PPP2R2C: variants seen among roughly 807,000 people sequenced by gnomAD.
PPP2R2C encodes the protein protein phosphatase 2 regulatory subunit Bgamma.
PPP2R2C carries 10 observed loss-of-function variants against 45.3 expected under a neutral mutation model. That is an observed-to-expected ratio of 0.22 (90% CI 0.14 to 0.37). The LOEUF (loss-of-function observed/expected upper bound fraction) is 0.37, where lower values mean the gene tolerates loss of function less well. Among genes scored for constraint, PPP2R2C ranks in the 10% least tolerant of loss-of-function variants. The pLI is 1.00. For synonymous variants in PPP2R2C, 257 were observed against 245.4 expected (o/e 1.05, Z -0.44); for missense variants, 308 against 619.7 (o/e 0.50, Z 5.34).
At chr4:6,401,923 A>C (rs1369254597) in intron 1 of PPP2R2C, among the ~76,000 whole-genome samples, 1 of 152,130 alleles carries the variant, frequency 6.6e-6, no homozygotes, top group Non-Finnish European at 1.5e-5. Context: ...AGTCAATGGC[A>C]CTAATATCAG....
intron 1 of PPP2R2C, among the ~76,000 whole-genome samples, chr4:6,423,921 T>G (rs1263179820): frequency 6.6e-6 from 1 of 152,190 alleles, no homozygotes; most frequent in Non-Finnish European, 1.5e-5. Flanking sequence ...GGGTTAGGGT[T>G]AGGGTTAGTG....
At chr4:6,542,098 A>G (rs550892296) in intron 1 of PPP2R2C, among the ~76,000 whole-genome samples, 46 of 152,348 alleles carry the variant, frequency 3.0e-4, no homozygotes, top group African/African-American at 9.9e-4. Context: ...GGACAGTGAC[A>G]TTCTACAGAG....
chr4:6,515,006 C>G (rs1723787445), intron 2 of PPP2R2C, among the ~76,000 whole-genome samples: 1 of 151,960 alleles, frequency 6.6e-6, no homozygotes, highest in Non-Finnish European at 1.5e-5. Flanking sequence ...AGGGCCCACC[C>G]TAATCTAGTA....
At chr4:6,403,931 C>T (rs375527989) in intron 1 of PPP2R2C, among the ~76,000 whole-genome samples, 6 of 152,170 alleles carry the variant, frequency 3.9e-5, no homozygotes, top group South Asian at 2.1e-4. Context: ...CCATTTCACC[C>T]GTCACTGTCA....
chr4:6,411,779 C>A (rs995483684), intron 1 of PPP2R2C, among the ~76,000 whole-genome samples: 1 of 152,038 alleles, frequency 6.6e-6, no homozygotes. Flanking sequence ...GTCTCAATCT[C>A]CTGACCTCGT....
chr4:6,336,654 TCCCTCCCTCCCTGCTTCCA>T lies in PPP2R2C; in HGVS notation c.791-2942_791-2924del, dbSNP rs1732894625. Among the ~76,000 whole-genome samples, 11 of 5,346 alleles carry T rather than the reference TCCCTCCCTCCCTGCTTCCA, an allele frequency of 2.1e-3. 1 individual carries two copies. Among genetic ancestry groups the T allele is most frequent in the Non-Finnish European group, 3.9e-3 (11 of 2,800 alleles). The allele number at this position is 5,346 out of a possible 152,430, so 3.5% of individuals were successfully genotyped here. A position where few individuals can be genotyped will look rare whatever the true frequency, so the allele number is the denominator to read the frequency against. ...TTACTTCCCTCCCTCCCTCCCTCCC[TCCCTCCCTCCCTGCTTCCA>T]TCCCTCCCTCCCTCCCTGCTTCCAT... On this transcript the variant is annotated intron_variant, in intron 6 of 8. Transcript: ENST00000382599.
chr4:6,420,837 G>T, intron 1 of PPP2R2C: 1 of 693,670 alleles, frequency 1.4e-6, no homozygotes, highest in Non-Finnish European at 1.8e-6. Flanking sequence ...GCTGGGACAT[G>T]CCAGTGCCCA....
intron 1 of PPP2R2C, among the ~76,000 whole-genome samples, chr4:6,447,909 C>T (rs540673962): frequency 6.6e-6 from 1 of 152,274 alleles, no homozygotes; most frequent in African/African-American, 2.4e-5. Context: ...GAATCGTATG[C>T]ATCTGCCTAA....
intron 1 of PPP2R2C, chr4:6,384,557 G>A: frequency 4.1e-6 from 4 of 980,994 alleles, no homozygotes; most frequent in Non-Finnish European, 4.8e-6. Context: ...ATAATTTGAT[G>A]AGGGTGGGCA....
intron 1 of PPP2R2C, among the ~76,000 whole-genome samples, chr4:6,543,523 C>G (rs1724875519): frequency 6.6e-6 from 1 of 152,134 alleles, no homozygotes; most frequent in Admixed American, 6.5e-5. Flanking sequence ...GAGTTCGAGA[C>G]CAGCCTGACC....
chr4:6,469,825 C>A (rs561767668), intron 1 of PPP2R2C, among the ~76,000 whole-genome samples: 2 of 152,268 alleles, frequency 1.3e-5, no homozygotes, highest in Admixed American at 6.5e-5. Context: ...ATTAGGGAGG[C>A]CAGAATTCTA....
At chr4:6,381,585 G>A in intron 1 of PPP2R2C, 3 of 1,441,090 alleles carry the variant, frequency 2.1e-6, no homozygotes, top group Non-Finnish European at 1.8e-6. Flanking sequence ...GTAGGACAGA[G>A]GTGAATTACC....
chr4:6,411,638 C>T (rs983294745), intron 1 of PPP2R2C, among the ~76,000 whole-genome samples: 4 of 151,616 alleles, frequency 2.6e-5, no homozygotes, highest in Admixed American at 1.3e-4. Flanking sequence ...CTGCAAGCTC[C>T]GCCTCCTGGG....
intron 1 of PPP2R2C, among the ~76,000 whole-genome samples, chr4:6,453,848 C>A (rs1020630697): frequency 2.0e-5 from 3 of 152,158 alleles, no homozygotes; most frequent in Non-Finnish European, 4.4e-5. Context: ...GATGTGGGCA[C>A]CTGCAAGCCT....
intron 1 of PPP2R2C, among the ~76,000 whole-genome samples, chr4:6,447,191 G>GT (rs1430755494): frequency 2.0e-5 from 3 of 152,142 alleles, no homozygotes; most frequent in African/African-American, 7.2e-5. Context: ...GGTAGAGAGG[G>GT]TGGGAGCATG....
At chr4:6,500,557 G>C (rs1285693693) in intron 2 of PPP2R2C, among the ~76,000 whole-genome samples, 1 of 152,214 alleles carries the variant, frequency 6.6e-6, no homozygotes, top group Non-Finnish European at 1.5e-5. Flanking sequence ...CATTTGGAAG[G>C]GGCCCATCAC....
Position 6,347,946 on chromosome 4 carries a change from G to A in PPP2R2C, c.690C>T (p.Phe230=), listed in dbSNP as rs1421330611. The change falls in exon 6 of 9, where the codon TTC becomes TTT. Residue 230 remains phenylalanine (F), a synonymous_variant. Coordinates refer to ENST00000382599, the MANE Select transcript of PPP2R2C (RefSeq NM_020416.4). ...CGAAGAGGTTGCAGTGGTGCGGATG[G>A]AACTCAGATGCTGTGATCACCTCCG... The part of the protein sequence containing the change: ...DLTEVITASE[F]HPHHCNLFVY... 6 of 1,614,008 alleles carry A rather than the reference G, an allele frequency of 3.7e-6. No homozygotes were observed. The highest frequency in any genetic ancestry group is 4.2e-6 in the Non-Finnish European group (5 of 1,180,028).
rs1249466380 is a variant in PPP2R2C at position 6,364,949 on chromosome 4, C to A, written c.625+7574G>T. ...TCTTTTTGCTCACCTAGAAAGTTCA[C>A]CTGGATAGCATCAGGATCCCCATTC... is the stretch of plus-strand genomic sequence containing the variant. On this transcript the variant is annotated intron_variant, in intron 5 of 8. Transcript: ENST00000382599. The surrounding 1 kb of genome is among the most constrained non-coding windows in gnomAD (Gnocchi z 5.3). Among the ~76,000 whole-genome samples, 14 of 152,168 alleles carry A rather than the reference C, an allele frequency of 9.2e-5. No homozygotes were observed. Among genetic ancestry groups the A allele is most frequent in the Non-Finnish European group, 1.8e-4 (12 of 68,038 alleles).
intron 1 of PPP2R2C, among the ~76,000 whole-genome samples, chr4:6,434,920 A>C (rs1349827704): frequency 6.6e-6 from 1 of 150,480 alleles, no homozygotes; most frequent in Non-Finnish European, 1.5e-5. Flanking sequence ...CCATTCTTCT[A>C]TTGAATTTTT....
Sources: allele counts gnomAD v4.1 joint callset (sites outside exome capture counted in the v4.1 genomes callset), GRCh38; gene constraint gnomAD v4.1.1; non-coding constraint Gnocchi (gnomAD v3.1); transcripts MANE v1.5; gene names NCBI Gene and HGNC (gene_info 2026-07-23, HGNC 2026-07-21).